YTHDC1: variants seen among roughly 807,000 people sequenced by gnomAD.
YTHDC1 encodes YTH domain-containing protein 1.
YTHDC1 carries 12 observed loss-of-function variants against 107.0 expected under a neutral mutation model. That is an observed-to-expected ratio of 0.11 (90% CI 0.07 to 0.18). The LOEUF (loss-of-function observed/expected upper bound fraction) is 0.18, where lower values mean the gene tolerates loss of function less well. Ranked by LOEUF, YTHDC1 falls within the 10% of genes least tolerant of loss-of-function variation. YTHDC1 has a pLI of 1.00. For missense variants in YTHDC1, 635 were observed against 898.8 expected, an observed-to-expected ratio of 0.71 and a Z score of 3.75; for synonymous variants, 280 against 289.5, an observed-to-expected ratio of 0.97 and a Z score of 0.33.
rs775632644 is a variant in YTHDC1, at chr4:68,333,414, T to G, written c.884-17A>C. On this transcript the variant is annotated splice_polypyrimidine_tract_variant and intron_variant, in intron 4 of 16. Transcript: ENST00000344157. ...TTTTCTCATCTAAAAAGAACAAGAG[T>G]TTTTTTTTTAAATCACAATACAGAA... The G allele has an allele frequency of 3.8e-5, 55 of 1,432,368 alleles. No homozygotes were observed. Among genetic ancestry groups the G allele is most frequent in the Non-Finnish European group, 4.8e-5 (50 of 1,044,628 alleles). The allele number at this position is 1,432,368 out of a possible 1,614,324, so 88.7% of individuals were successfully genotyped here.
At chr4:68,318,434 G>C in intron 15 of YTHDC1, 85 bp downstream of exon 15, 4 of 1,331,310 alleles carry the variant, frequency 3.0e-6, no homozygotes, top group Non-Finnish European at 4.1e-6. Context: ...ATGAGTAACT[G>C]TAACAATCAT....
At chr4:68,318,960 T>C in intron 12 of YTHDC1, 98 bp from the exon 13 acceptor site, 2 of 1,288,870 alleles carry the variant, frequency 1.6e-6, no homozygotes, top group Admixed American at 3.6e-5. Context: ...ATTCTTTCCA[T>C]GAAATATGTA....
chr4:68,342,643 C>T (rs1457251684), intron 1 of YTHDC1, among the ~76,000 whole-genome samples: 2 of 152,118 alleles, frequency 1.3e-5, no homozygotes, highest in Non-Finnish European at 2.9e-5. Context: ...AATGTTAAAG[C>T]TTATAGTATT....
chr4:68,341,914 T>C (rs1724845204), intron 1 of YTHDC1, among the ~76,000 whole-genome samples: 1 of 152,166 alleles, frequency 6.6e-6, no homozygotes, highest in Non-Finnish European at 1.5e-5. Context: ...ATTTGAATCT[T>C]CTATGAGTTT....
chr4:68,338,014 T>A lies in YTHDC1; in HGVS notation c.131-114A>T. ...GAAGGGGGGATAGGCCTCATTTCTT[T>A]AAAAGTCTTCTGAGAGATTTCTTCT... On this transcript the variant is annotated intron_variant, in intron 2 of 16. Transcript: ENST00000344157. The A allele has an allele frequency of 4.1e-6, 6 of 1,467,320 alleles. No individual in the cohort carries two copies. The South Asian group carries it at 8.7e-5, about 21-fold the overall frequency. 90.9% of individuals were successfully genotyped at this position (1,467,320 alleles called of 1,614,324 possible). A position where few individuals can be genotyped will look rare whatever the true frequency, so the allele number is the denominator to read the frequency against.
intron 10 of YTHDC1, 78 bp downstream of exon 10, chr4:68,324,061 A>C: frequency 1.5e-6 from 2 of 1,323,628 alleles, no homozygotes; most frequent in Non-Finnish European, 2.1e-6. Context: ...AGAAACGGTT[A>C]AAACGAATAC....
At chr4:68,319,335 T>TATA (rs2109684175) in intron 12 of YTHDC1, among the ~76,000 whole-genome samples, 1 of 152,312 alleles carries the variant, frequency 6.6e-6, no homozygotes, top group South Asian at 2.1e-4. Context: ...AATGAAGATG[T>TATA]ATACACTGAA....
chr4:68,315,338 T>C (rs911671470), intron 16 of YTHDC1, among the ~76,000 whole-genome samples: 1 of 152,160 alleles, frequency 6.6e-6, no homozygotes, highest in African/African-American at 2.4e-5. Context: ...ATAAGGAAAT[T>C]ACTGACAACA....
At position 68,337,425 on chromosome 4, in the gene YTHDC1, C is replaced by A. The variant is rs745889803; in HGVS notation, c.485G>T (p.Arg162Leu). The change falls in exon 4 of 17, where the codon CGT (arginine) becomes CTT (leucine). Residue 162 changes from arginine (R) to leucine (L), a missense_variant. By Grantham distance (102) the Arg-to-Leu change is moderately radical. Transcript: ENST00000344157. ...SERIGLEVDR[R>L]ASRSSQSSKE... Reference sequence around the variant, plus strand: ...AGAAGACTGGCTGGATCTGCTTGCACGTCTATCCACTTCAAGCCCAATTCT... The same window carrying A: ...AGAAGACTGGCTGGATCTGCTTGCAAGTCTATCCACTTCAAGCCCAATTCT... 2.6e-5 allele frequency: 42 copies of A among 1,613,914 alleles called. No homozygotes were observed. Among genetic ancestry groups the A allele is most frequent in the Non-Finnish European group, 1.7e-6 (2 of 1,179,954 alleles).
In YTHDC1 at chr4:68,346,100, T is replaced by TATATATATAC. The variant is rs144743953; in HGVS notation, c.28+3625_28+3626insGTATATATAT. 7.2e-3 allele frequency among the ~76,000 whole-genome samples: 961 copies of TATATATATAC among 134,092 alleles called. 8 individuals are homozygous for TATATATATAC. The highest frequency in any genetic ancestry group is 0.024 in the Middle Eastern group (6 of 254). The allele number at this position is 134,092 out of a possible 152,430, so 88.0% of individuals were successfully genotyped here. On this transcript the variant is annotated intron_variant, in intron 1 of 16. Transcript: ENST00000344157. Reference sequence around the variant, plus strand: ...GTACATATATATATATATATATATATACACACACACCTGCATGTAACCGTC... The same window carrying TATATATATAC: ...GTACATATATATATATATATATATATATATATATACACACACACACCTGCATGTAACCGTC...
chr4:68,336,407 A>T lies in YTHDC1; in HGVS notation c.883+620T>A, dbSNP rs116731652. ...TGTCTCATAGGTATAGAGAGGCAGG[A>T]TATATATAGCATTGAAGAAATGACT... On this transcript the variant is annotated intron_variant, in intron 4 of 16. Coordinates refer to ENST00000344157, the MANE Select transcript of YTHDC1 (RefSeq NM_001031732.4). Among the ~76,000 whole-genome samples the T allele has an allele frequency of 3.1e-3, 472 of 152,164 alleles. 2 individuals carry two copies. The highest frequency in any genetic ancestry group is 0.011 in the African/African-American group (448 of 41,520).
At chr4:68,317,225 C>CA (rs917772893) in intron 15 of YTHDC1, among the ~76,000 whole-genome samples, 10 of 148,220 alleles carry the variant, frequency 6.7e-5, no homozygotes, top group East Asian at 5.9e-4. Flanking sequence ...CCCTGTCTCT[C>CA]AAAAAAAAAG....
intron 12 of YTHDC1, 115 bp from the exon 13 acceptor site, chr4:68,318,977 G>T: frequency 9.4e-7 from 1 of 1,069,148 alleles, no homozygotes; most frequent in Non-Finnish European, 1.4e-6. Context: ...TGTACTTTAA[G>T]TGATGCTACT....
At chr4:68,341,186 AGTAACAAATGGATATT>A (rs1373595393) in intron 1 of YTHDC1, among the ~76,000 whole-genome samples, 1 of 152,210 alleles carries the variant, frequency 6.6e-6, no homozygotes, top group African/African-American at 2.4e-5. Flanking sequence ...ACACTTGTCT[AGTAACAAATGGATATT>A]AGTATGAAGT....
At position 68,330,302 on chromosome 4, in the gene YTHDC1, C is replaced by CA; in HGVS notation, c.1130_1131insT (p.Trp377CysfsTer8). 1 of 1,573,702 alleles carries CA rather than the reference C, an allele frequency of 6.4e-7. No individual in the cohort carries two copies. Among genetic ancestry groups the CA allele is most frequent in the Non-Finnish European group, 8.6e-7 (1 of 1,158,912 alleles). ...TCTTCTCATTTACAGGGAGCGTGGA[C>CA]CATACACCCTACATAAATAACATAA... On this transcript the variant is annotated frameshift_variant, in exon 8 of 17. Coordinates refer to ENST00000344157, the MANE Select transcript of YTHDC1 (RefSeq NM_001031732.4). LOFTEE classifies it high-confidence loss of function.
At chr4:68,332,044 T>A in intron 7 of YTHDC1, 59 bp downstream of exon 7, 1 of 1,115,978 alleles carries the variant, frequency 9.0e-7, no homozygotes, top group South Asian at 1.5e-5. Flanking sequence ...AATACAAGTC[T>A]ATTTTCCCAT....
chr4:68,330,758 G>A (rs1723487884), intron 7 of YTHDC1, among the ~76,000 whole-genome samples: 1 of 152,056 alleles, frequency 6.6e-6, no homozygotes, highest in African/African-American at 2.4e-5. Flanking sequence ...TTCTATTTAA[G>A]TTCGTTTTTT....
chr4:68,345,977 A>C (rs1241066554), intron 1 of YTHDC1, among the ~76,000 whole-genome samples: 1 of 151,920 alleles, frequency 6.6e-6, no homozygotes, highest in Admixed American at 6.5e-5. Context: ...ATGATAACAC[A>C]ACAAAACCGC....
intron 1 of YTHDC1, among the ~76,000 whole-genome samples, chr4:68,341,524 C>A (rs1724799553): frequency 6.6e-6 from 1 of 151,862 alleles, no homozygotes; most frequent in South Asian, 2.1e-4. Context: ...TAAACATGGC[C>A]CATTGCCTAT....
Sources: gnomAD v4.1 joint callset for allele counts (sites outside exome capture counted in the v4.1 genomes callset) on GRCh38, gnomAD v4.1.1 for gene constraint, MANE v1.5 for transcripts, NCBI Gene and HGNC (gene_info 2026-07-23, HGNC 2026-07-21) for gene names.